GRID2: variants seen among roughly 807,000 people sequenced by gnomAD.
GRID2 encodes the protein glutamate ionotropic receptor delta type subunit 2, also known as glutamate receptor ionotropic, delta-2.
A neutral mutation model predicts 114.8 loss-of-function variants in GRID2; 33 were observed. That is an observed-to-expected ratio of 0.29 (90% confidence interval 0.22 to 0.38). GRID2 has a LOEUF of 0.38. Among genes scored for constraint, GRID2 ranks in the 10% least tolerant of loss-of-function variants. The probability of loss-of-function intolerance (pLI) is 1.00; values close to 1 mark genes in which losing one functional copy is unlikely to be tolerated. For synonymous variants in GRID2, 505 were observed against 449.9 expected, an observed-to-expected ratio of 1.12 and a Z score of -1.55; for missense variants, 1,184 against 1,257.7, an observed-to-expected ratio of 0.94 and a Z score of 0.89.
intron 2 of GRID2, among the ~76,000 whole-genome samples, chr4:92,644,505 A>T (rs574239771): frequency 6.6e-6 from 1 of 151,790 alleles, no homozygotes; most frequent in East Asian, 1.9e-4. Context: ...TTTTGATGTT[A>T]TGGCTATTAA....
intron 2 of GRID2, among the ~76,000 whole-genome samples, chr4:92,656,146 T>C (rs1366392922): frequency 6.6e-6 from 1 of 151,776 alleles, no homozygotes; most frequent in Non-Finnish European, 1.5e-5. Flanking sequence ...ACTAACTGGT[T>C]TGCCTAGCAA....
intron 2 of GRID2, among the ~76,000 whole-genome samples, chr4:92,651,702 G>T (rs531289236): frequency 1.6e-3 from 240 of 152,148 alleles, no homozygotes; most frequent in African/African-American, 5.6e-3. Flanking sequence ...CCCATGAATT[G>T]ATATATAATC....
intron 1 of GRID2, among the ~76,000 whole-genome samples, chr4:92,541,975 T>A (rs1246473373): frequency 6.6e-6 from 1 of 152,062 alleles, no homozygotes; most frequent in Non-Finnish European, 1.5e-5. Context: ...TTGTGCTGAG[T>A]GAAGTGTGTT....
intron 1 of GRID2, among the ~76,000 whole-genome samples, chr4:92,454,109 T>C (rs921802133): frequency 1.5e-4 from 22 of 147,860 alleles, no homozygotes; most frequent in Non-Finnish European, 2.9e-4. Flanking sequence ...TAGAGAAATA[T>C]AAATAATAAT....
At chr4:93,190,972 T>A (rs1740923715) in intron 4 of GRID2, among the ~76,000 whole-genome samples, 1 of 152,006 alleles carries the variant, frequency 6.6e-6, no homozygotes. Flanking sequence ...TACAAAATAA[T>A]TTGAAGAATA....
Position 93,145,869 on chromosome 4 carries a change from C to T in GRID2, c.735+34916C>T, listed in dbSNP as rs1307682958. ...TTGTGCATGCACACACACACATACACACACACACACACACACACTTTATAG... is the reference window on the plus strand; with the variant it reads ...TTGTGCATGCACACACACACATACATACACACACACACACACACTTTATAG... On this transcript the variant is annotated intron_variant, in intron 4 of 15. Transcript: ENST00000282020. 4.0e-5 allele frequency among the ~76,000 whole-genome samples: 6 copies of T among 149,294 alleles called. No homozygotes were observed. The East Asian group carries it at 1.2e-3, about 29-fold the overall frequency.
intron 1 of GRID2, among the ~76,000 whole-genome samples, chr4:92,475,129 A>AAATAAT (rs138643012): frequency 3.2e-4 from 47 of 144,852 alleles, no homozygotes; most frequent in African/African-American, 8.1e-4. Context: ...TAATAATAAT[A>AAATAAT]AATAATAATA....
chr4:93,047,750 T>C (rs1019020689), intron 2 of GRID2, among the ~76,000 whole-genome samples: 2 of 152,078 alleles, frequency 1.3e-5, no homozygotes, highest in African/African-American at 4.8e-5. Context: ...GTTCATTTTC[T>C]CTAGATGGCT....
intron 8 of GRID2, among the ~76,000 whole-genome samples, chr4:93,292,208 A>C (rs1156433957): frequency 1.3e-5 from 2 of 152,186 alleles, no homozygotes; most frequent in African/African-American, 4.8e-5. Context: ...GTAGAGGAAT[A>C]GCTGCAGTCC....
intron 9 of GRID2, among the ~76,000 whole-genome samples, chr4:93,409,204 G>T (rs949792181): frequency 3.9e-5 from 6 of 151,978 alleles, no homozygotes; most frequent in African/African-American, 1.5e-4. Flanking sequence ...AAAAGAAAAG[G>T]TTAATCTACA....
intron 2 of GRID2, among the ~76,000 whole-genome samples, chr4:92,846,967 T>C (rs757949064): frequency 3.9e-5 from 6 of 152,118 alleles, no homozygotes; most frequent in Non-Finnish European, 7.4e-5. Context: ...GCCAGCACTT[T>C]TTGTTAACAC....
chr4:93,311,950 T>C (rs960507004), intron 8 of GRID2, among the ~76,000 whole-genome samples: 8 of 152,110 alleles, frequency 5.3e-5, no homozygotes, highest in African/African-American at 1.9e-4. Flanking sequence ...TAATTTGGGA[T>C]GAGAAAGAGA....
chr4:92,370,911 A>G (rs1209672161), intron 1 of GRID2, among the ~76,000 whole-genome samples: 1 of 152,156 alleles, frequency 6.6e-6, no homozygotes, highest in Non-Finnish European at 1.5e-5. Flanking sequence ...AGAAAACGGA[A>G]CGTTCTAGAA....
At chr4:93,462,499 A>G (rs1366948423) in intron 11 of GRID2, among the ~76,000 whole-genome samples, 2 of 152,178 alleles carry the variant, frequency 1.3e-5, no homozygotes, top group African/African-American at 4.8e-5. Context: ...AACATAAGAG[A>G]CAACCCACTG....
At chr4:93,217,428 T>C (rs192196108) in intron 6 of GRID2, among the ~76,000 whole-genome samples, 2 of 152,168 alleles carry the variant, frequency 1.3e-5, no homozygotes, top group Admixed American at 1.3e-4. Flanking sequence ...CAACAAAGAA[T>C]TTGAAAGATA....
At chr4:93,438,073 G>A (rs1026214122) in intron 10 of GRID2, among the ~76,000 whole-genome samples, 2 of 152,112 alleles carry the variant, frequency 1.3e-5, no homozygotes, top group African/African-American at 4.8e-5. Context: ...CAAGCACACA[G>A]CAGAATGCCC....
rs1049830565 is a variant in GRID2, at chr4:93,434,445, A to G, written c.1545+11477A>G. Among the ~76,000 whole-genome samples the G allele has an allele frequency of 2.0e-5, 3 of 152,288 alleles. No homozygotes were observed. The East Asian group carries it at 5.8e-4, about 29-fold the overall frequency. ...GCACATGTACCCTAGAACTTAAAGT[A>G]TAATAAAAATATATAAAAAAAATTT... is the stretch of plus-strand genomic sequence containing the variant. On this transcript the variant is annotated intron_variant, in intron 10 of 15. Transcript: ENST00000282020.
At chr4:92,881,953 A>G (rs1746052188) in intron 2 of GRID2, among the ~76,000 whole-genome samples, 1 of 152,166 alleles carries the variant, frequency 6.6e-6, no homozygotes, top group Non-Finnish European at 1.5e-5. Context: ...GTATGTTAGG[A>G]ATTAATTTTC....
At chr4:93,539,799 G>T (rs1732470140) in intron 13 of GRID2, among the ~76,000 whole-genome samples, 1 of 151,834 alleles carries the variant, frequency 6.6e-6, no homozygotes, top group Non-Finnish European at 1.5e-5. Flanking sequence ...ATGTCTGATG[G>T]GTTTTTTTTG....
Sources: gnomAD v4.1 joint callset for allele counts (sites outside exome capture counted in the v4.1 genomes callset) on GRCh38, gnomAD v4.1.1 for gene constraint, MANE v1.5 for transcripts, NCBI Gene and HGNC (gene_info 2026-07-23, HGNC 2026-07-21) for gene names.